Variants in CCDC169 observed in about 807,000 individuals in gnomAD.
The protein encoded by CCDC169 is coiled-coil domain-containing protein 169.
CCDC169 carries 30 observed loss-of-function variants against 36.0 expected under a neutral mutation model. That is an observed-to-expected ratio of 0.83 (90% CI 0.62 to 1.13). The LOEUF (loss-of-function observed/expected upper bound fraction) is 1.13, where lower values mean the gene tolerates loss of function less well. CCDC169 is among the 50% of genes most tolerant of loss of function. The pLI is 0.00. For synonymous variants in CCDC169, 85 were observed against 81.5 expected, an observed-to-expected ratio of 1.04 and a Z score of -0.23; for missense variants, 245 against 245.9, an observed-to-expected ratio of 1.00 and a Z score of 0.03.
chr13:36,250,642 G>A (rs1479037070), intron 6 of CCDC169, among the ~76,000 whole-genome samples: 3 of 152,162 alleles, frequency 2.0e-5, no homozygotes, highest in South Asian at 2.1e-4. Context: ...TGGAACCTAT[G>A]TTATGAGGAA....
At chr13:36,245,241 G>C (rs1872356913) in intron 7 of CCDC169, among the ~76,000 whole-genome samples, 1 of 152,192 alleles carries the variant, frequency 6.6e-6, no homozygotes, top group African/African-American at 2.4e-5. Flanking sequence ...TTTAGTACAG[G>C]ACCAGGGAAA....
intron 6 of CCDC169, among the ~76,000 whole-genome samples, chr13:36,251,836 C>T (rs764988265): frequency 1.3e-5 from 2 of 152,080 alleles, no homozygotes; most frequent in Non-Finnish European, 2.9e-5. Flanking sequence ...CAGAGAGGGG[C>T]TAGGAAAATC....
In CCDC169 at chr13:36,297,758, C is replaced by A. The variant is rs1050231034; in HGVS notation, c.-39G>T. The A allele has an allele frequency of 1.3e-6, 2 of 1,536,026 alleles. No individual in the cohort carries two copies. Among genetic ancestry groups the A allele is most frequent in the Non-Finnish European group, 1.8e-6 (2 of 1,135,816 alleles). The stretch of plus-strand genomic sequence containing the variant: ...AGACCTCCCGCGTCTTTCCCCTCAG[C>A]ACCTTAGAGCACAAGACATTAAGGG... On this transcript the variant is annotated 5_prime_UTR_variant, in exon 1 of 8. Coordinates refer to ENST00000239859, the MANE Select transcript of CCDC169 (RefSeq NM_001144981.3).
At chr13:36,229,758 G>T (rs1870219567), downstream of CCDC169, among the ~76,000 whole-genome samples, 1 of 151,970 alleles carries the variant, frequency 6.6e-6, no homozygotes, top group Non-Finnish European at 1.5e-5. Flanking sequence ...GGCCAGGCTG[G>T]TCTCAAACTC....
intron 2 of CCDC169, among the ~76,000 whole-genome samples, chr13:36,288,160 C>A (rs903203072): frequency 6.6e-6 from 1 of 152,032 alleles, no homozygotes; most frequent in South Asian, 2.1e-4. Flanking sequence ...AGGCGCCCAT[C>A]ACCATGCCTG....
chr13:36,293,571 T>C (rs2138655988), intron 2 of CCDC169, among the ~76,000 whole-genome samples: 1 of 152,270 alleles, frequency 6.6e-6, no homozygotes, highest in South Asian at 2.1e-4. Context: ...GGCCTGGCAG[T>C]CTCTACTTAT....
chr13:36,227,197 A>G, downstream of CCDC169: 2 of 1,517,232 alleles, frequency 1.3e-6, no homozygotes, highest in South Asian at 2.5e-5. Context: ...TGAGTATTTT[A>G]CTTTTAGCTC....
At chr13:36,263,930 A>G (rs1302878395) in intron 4 of CCDC169, among the ~76,000 whole-genome samples, 1 of 152,214 alleles carries the variant, frequency 6.6e-6, no homozygotes, top group African/African-American at 2.4e-5. Context: ...ATTCTGCCAC[A>G]TGGACGCTTG....
intron 4 of CCDC169, among the ~76,000 whole-genome samples, chr13:36,258,353 T>TGCATCTGGTCA (rs1874181386): frequency 1.3e-5 from 2 of 151,928 alleles, no homozygotes; most frequent in South Asian, 4.2e-4. Context: ...CTAGGTAAAA[T>TGCATCTGGTCA]AAGGCTGAGA....
At chr13:36,243,900 A>G (rs9546862) in intron 7 of CCDC169, among the ~76,000 whole-genome samples, 59,857 of 152,092 alleles carry the variant, frequency 0.39, 12,853 homozygotes, top group Non-Finnish European at 0.48. Flanking sequence ...GTAATATTCA[A>G]TGGAAAACCA....
At chr13:36,272,642 C>A (rs1171576667) in intron 4 of CCDC169, among the ~76,000 whole-genome samples, 2 of 152,144 alleles carry the variant, frequency 1.3e-5, no homozygotes, top group Admixed American at 6.5e-5. Context: ...CAATCTCCTA[C>A]CCCATAAGGT....
intron 1 of CCDC169, among the ~76,000 whole-genome samples, chr13:36,297,050 A>G (rs1204743027): frequency 6.6e-6 from 1 of 152,210 alleles, no homozygotes; most frequent in Non-Finnish European, 1.5e-5. Flanking sequence ...CTGTGACTGG[A>G]GCTACAATAG....
chr13:36,246,526 G>A (rs1284907405), intron 7 of CCDC169, among the ~76,000 whole-genome samples: 1 of 152,198 alleles, frequency 6.6e-6, no homozygotes, highest in African/African-American at 2.4e-5. Flanking sequence ...GAAAGCTGCA[G>A]AAGAAAAGCT....
chr13:36,283,422 A>AT, intron 4 of CCDC169, 47 bp downstream of exon 4: 2 of 1,502,450 alleles, frequency 1.3e-6, no homozygotes, highest in South Asian at 2.5e-5. Flanking sequence ...AAAAATAGAC[A>AT]TAATTTCCTT....
chr13:36,250,049 C>T (rs749144214), intron 6 of CCDC169, among the ~76,000 whole-genome samples: 3 of 152,194 alleles, frequency 2.0e-5, no homozygotes. Flanking sequence ...ATGGTTCTAT[C>T]GGGGAAACAG....
At chr13:36,231,343 C>T in intron 7 of CCDC169, 51 bp from the exon 8 acceptor site, 1 of 1,518,374 alleles carries the variant, frequency 6.6e-7, no homozygotes, top group Non-Finnish European at 8.9e-7. Flanking sequence ...TTATGTACAA[C>T]AAAAACATTA....
At chr13:36,250,242 G>A (rs997593198) in intron 6 of CCDC169, among the ~76,000 whole-genome samples, 1 of 152,118 alleles carries the variant, frequency 6.6e-6, no homozygotes, top group African/African-American at 2.4e-5. Context: ...GTATAAAGCA[G>A]CAGATATATC....
intron 4 of CCDC169, among the ~76,000 whole-genome samples, chr13:36,273,210 G>A (rs1221664471): frequency 1.3e-5 from 2 of 152,042 alleles, no homozygotes; most frequent in Non-Finnish European, 2.9e-5. Context: ...GTAAAAGTAG[G>A]CCCCTGGGTG....
intron 4 of CCDC169, among the ~76,000 whole-genome samples, chr13:36,274,096 C>G (rs1594065661): frequency 1.3e-5 from 2 of 152,126 alleles, no homozygotes; most frequent in Non-Finnish European, 2.9e-5. Flanking sequence ...TTTAGGCATA[C>G]TATGCTTTGA....
Sources: gnomAD v4.1 joint callset for allele counts (sites outside exome capture counted in the v4.1 genomes callset) on GRCh38, gnomAD v4.1.1 for gene constraint, MANE v1.5 for transcripts, NCBI Gene and HGNC (gene_info 2026-07-23, HGNC 2026-07-21) for gene names.